The following SV2B variants were observed in gnomAD, a reference collection of about 807,000 sequenced individuals.
The protein encoded by SV2B is solute carrier family 22 member B2.
In SV2B, 41 loss-of-function variants were observed where a neutral mutation model predicts 73.9. The observed-to-expected ratio is 0.56, with a 90% CI of 0.43 to 0.72. The LOEUF (loss-of-function observed/expected upper bound fraction) is 0.72. Among genes scored for constraint, SV2B ranks in the 30% least tolerant of loss-of-function variants. SV2B has a pLI of 0.00. For missense variants in SV2B, 764 were observed against 857.8 expected, an observed-to-expected ratio of 0.89 and a Z score of 1.37; for synonymous variants, 314 against 314.2, an observed-to-expected ratio of 1.00 and a Z score of 0.01.
chr15:91,138,975 T>A (rs1382022931), intron 1 of SV2B, among the ~76,000 whole-genome samples: 2 of 152,256 alleles, frequency 1.3e-5, no homozygotes, highest in African/African-American at 2.4e-5. Flanking sequence ...ATGGATTCTG[T>A]TTCAACAATT....
At chr15:91,161,159 T>G (rs1323479526) in intron 1 of SV2B, among the ~76,000 whole-genome samples, 1 of 152,150 alleles carries the variant, frequency 6.6e-6, no homozygotes, top group African/African-American at 2.4e-5. Flanking sequence ...CAGCAGAAAG[T>G]GACTGCAAAC....
At chr15:91,195,393 C>T (rs949230615) in intron 1 of SV2B, among the ~76,000 whole-genome samples, 1 of 152,178 alleles carries the variant, frequency 6.6e-6, no homozygotes, top group African/African-American at 2.4e-5. Flanking sequence ...CTTCTGGCCT[C>T]AAGTGATCAC....
At chr15:91,167,449 C>G (rs2043955937) in intron 1 of SV2B, among the ~76,000 whole-genome samples, 1 of 152,312 alleles carries the variant, frequency 6.6e-6, no homozygotes, top group African/African-American at 2.4e-5. Context: ...CTTCTGGAGA[C>G]TTTAAGAGAG....
At chr15:91,108,429 C>A (rs1052472903) in intron 1 of SV2B, among the ~76,000 whole-genome samples, 2 of 152,202 alleles carry the variant, frequency 1.3e-5, no homozygotes, top group African/African-American at 2.4e-5. Flanking sequence ...CTGTCTGATG[C>A]CTTTGTGGCT....
rs1438009198 is a variant in SV2B at position 91,197,962 on chromosome 15, A to G, written c.-391-27911A>G. 6.6e-6 allele frequency among the ~76,000 whole-genome samples: 1 copy of G among 152,158 alleles called. No individual in the cohort carries two copies. Among genetic ancestry groups the G allele is most frequent in the Non-Finnish European group, 1.5e-5 (1 of 68,032 alleles). ...AGCAGGAGAATCTCTTGAACCTGGGAGGCTGGAGGTTACAGTGAACCGAGA... is the reference window on the plus strand; with the variant it reads ...AGCAGGAGAATCTCTTGAACCTGGGGGGCTGGAGGTTACAGTGAACCGAGA... On this transcript the variant is annotated intron_variant, in intron 1 of 12. Coordinates refer to ENST00000394232, the MANE Select transcript of SV2B (RefSeq NM_001323032.3). The surrounding 1 kb of genome is among the most constrained non-coding windows in gnomAD (Gnocchi z 4.9).
intron 1 of SV2B, among the ~76,000 whole-genome samples, chr15:91,165,920 T>C (rs1008292929): frequency 2.0e-5 from 3 of 152,266 alleles, no homozygotes; most frequent in Admixed American, 1.3e-4. Context: ...AAATTCTCTT[T>C]GTTTTTCTTT....
intron 1 of SV2B, among the ~76,000 whole-genome samples, chr15:91,134,308 T>A (rs1052903556): frequency 5.9e-5 from 9 of 152,134 alleles, no homozygotes; most frequent in African/African-American, 2.4e-5. Context: ...TCTCCACCAC[T>A]TCCTTGTCAT....
intron 9 of SV2B, among the ~76,000 whole-genome samples, chr15:91,270,937 C>CTGTGGATGATGGGCGGATGGTGAATCT (rs2048285710): frequency 6.8e-6 from 1 of 146,744 alleles, no homozygotes; most frequent in African/African-American, 2.6e-5. Context: ...ACGGTGAGTC[C>CTGTGGATGATGGGCGGATGGTGAATCT]TGTGGACGAT....
At chr15:91,215,902 G>A (rs2046009267) in intron 1 of SV2B, among the ~76,000 whole-genome samples, 2 of 152,102 alleles carry the variant, frequency 1.3e-5, no homozygotes, top group South Asian at 2.1e-4. Context: ...TTCAGACTAA[G>A]TCTGATGTTA....
intron 1 of SV2B, among the ~76,000 whole-genome samples, chr15:91,148,964 C>G (rs906296634): frequency 6.6e-6 from 1 of 152,224 alleles, no homozygotes; most frequent in Non-Finnish European, 1.5e-5. Flanking sequence ...CCATCACAGA[C>G]ACATCCAGAA....
rs719176 is a variant in SV2B at position 91,242,063 on chromosome 15, G to A, written c.452-9756G>A. 0.27 allele frequency among the ~76,000 whole-genome samples: 41,529 copies of A among 152,056 alleles called. 7,827 individuals are homozygous for A. The highest frequency in any genetic ancestry group is 0.54 in the African/African-American group (22,340 of 41,438). On this transcript the variant is annotated intron_variant, in intron 2 of 12. Transcript: ENST00000394232. The surrounding 1 kb of genome is among the most constrained non-coding windows in gnomAD (Gnocchi z 4.9). ...CTCCACTTGCTCAGTTCAGCAGTCA[G>A]CTCTCATCCTCAGCTTATTCACCTG...
chr15:91,204,640 T>G (rs925972216), intron 1 of SV2B, among the ~76,000 whole-genome samples: 1 of 151,204 alleles, frequency 6.6e-6, no homozygotes, highest in African/African-American at 2.4e-5. Flanking sequence ...CACTGTAGCC[T>G]TGAACCTCCT....
At position 91,300,836 on chromosome 15, in the gene SV2B, T is replaced by G. The variant is rs1042100043; in HGVS notation, c.*8284T>G. ...AAGAGCAAAGTCAGTTAATACAATT[T>G]CTCCAGGTATCCAGCTATCTCCAGG... On this transcript the variant is annotated 3_prime_UTR_variant, in exon 13 of 13. Coordinates refer to ENST00000394232, the MANE Select transcript of SV2B (RefSeq NM_001323032.3). 3.3e-5 allele frequency: 5 copies of G among 152,192 alleles called. No individual in the cohort carries two copies. The highest frequency in any genetic ancestry group is 1.2e-4 in the African/African-American group (5 of 41,432). 9.4% of individuals were successfully genotyped at this position (152,192 alleles called of 1,614,324 possible).
intron 1 of SV2B, among the ~76,000 whole-genome samples, chr15:91,205,064 C>T (rs980307086): frequency 1.3e-5 from 2 of 152,200 alleles, no homozygotes; most frequent in African/African-American, 4.8e-5. Flanking sequence ...ATTACAGACT[C>T]ACTGTTATTT....
In SV2B at chr15:91,121,360, A is replaced by G. The variant is rs1459468013; in HGVS notation, c.-392+20997A>G. 6.6e-6 allele frequency among the ~76,000 whole-genome samples: 1 copy of G among 152,120 alleles called. No individual in the cohort carries two copies. Among genetic ancestry groups the G allele is most frequent in the African/African-American group, 2.4e-5 (1 of 41,418 alleles). ...AGCCAGAATCTCTAGGGATGGGAGT[A>G]TAAATTGAATTTTTTAAAAATAAGC... On this transcript the variant is annotated intron_variant, in intron 1 of 12. Coordinates refer to ENST00000394232, the MANE Select transcript of SV2B (RefSeq NM_001323032.3). This position sits in a 1 kb window ranked among gnomAD's most constrained non-coding sequence, Gnocchi z 4.4.
intron 1 of SV2B, among the ~76,000 whole-genome samples, chr15:91,156,418 A>G (rs929637035): frequency 4.6e-5 from 7 of 152,330 alleles, no homozygotes; most frequent in Admixed American, 6.5e-5. Flanking sequence ...GGTGTGACTC[A>G]GCCAACCGAA....
intron 1 of SV2B, among the ~76,000 whole-genome samples, chr15:91,216,064 A>G (rs1258794218): frequency 6.6e-6 from 1 of 152,208 alleles, no homozygotes; most frequent in Admixed American, 6.5e-5. Flanking sequence ...TGGATGATTC[A>G]GCTTAGAAGA....
intron 1 of SV2B, among the ~76,000 whole-genome samples, chr15:91,168,668 A>T (rs2044008020): frequency 6.6e-6 from 1 of 152,202 alleles, no homozygotes; most frequent in African/African-American, 2.4e-5. Flanking sequence ...ATTGAAAAAA[A>T]AATTAAACCA....
chr15:91,146,501 A>G (rs780273194), intron 1 of SV2B, among the ~76,000 whole-genome samples: 6 of 152,264 alleles, frequency 3.9e-5, no homozygotes, highest in Non-Finnish European at 7.3e-5. Flanking sequence ...GTAGTTTAAT[A>G]GGAATAGCAT....
Sources: gnomAD v4.1 joint callset for allele counts (sites outside exome capture counted in the v4.1 genomes callset) on GRCh38, gnomAD v4.1.1 for gene constraint, Gnocchi (gnomAD v3.1) non-coding constraint, MANE v1.5 for transcripts, NCBI Gene and HGNC (gene_info 2026-07-23, HGNC 2026-07-21) for gene names.